Variants in XIRP2 observed in about 807,000 individuals in gnomAD.
XIRP2 encodes xin actin binding repeat containing 2.
In XIRP2, 236 loss-of-function variants were observed where a neutral mutation model predicts 277.0. The ratio of observed to expected loss-of-function variants is 0.85; its 90% CI spans 0.77 to 0.95. The LOEUF is 0.95. Among genes scored for constraint, XIRP2 ranks in the 40% least tolerant of loss-of-function variants. The pLI is 0.00. For missense variants in XIRP2, 4,640 were observed against 4,157.5 expected (o/e 1.12, Z -3.19); for synonymous variants, 1,490 against 1,416.5 (o/e 1.05, Z -1.17).
At chr2:167,215,917 A>C (rs952472366) in intron 4 of XIRP2, among the ~76,000 whole-genome samples, 1 of 152,174 alleles carries the variant, frequency 6.6e-6, no homozygotes, top group Non-Finnish European at 1.5e-5. Flanking sequence ...AATTGCTTCC[A>C]ATGATACCTA....
intron 2 of XIRP2, among the ~76,000 whole-genome samples, chr2:167,127,346 G>C (rs1278597082): frequency 6.6e-6 from 1 of 152,136 alleles, no homozygotes; most frequent in Admixed American, 6.6e-5. Context: ...AACATGATCT[G>C]GTCTAATGAA....
At chr2:166,931,310 A>G (rs562139501) in intron 2 of XIRP2, among the ~76,000 whole-genome samples, 1 of 152,188 alleles carries the variant, frequency 6.6e-6, no homozygotes, top group Non-Finnish European at 1.5e-5. Context: ...AGATGTACAC[A>G]TTTCATGTGT....
chr2:166,948,041 C>T (rs77220355), intron 2 of XIRP2, among the ~76,000 whole-genome samples: 130 of 152,088 alleles, frequency 8.5e-4, no homozygotes, highest in African/African-American at 2.7e-3. Context: ...AAGAGATCAG[C>T]GGTTTCTGGG....
intron 2 of XIRP2, among the ~76,000 whole-genome samples, chr2:166,983,267 A>G (rs535594043): frequency 6.6e-6 from 1 of 152,250 alleles, no homozygotes; most frequent in South Asian, 2.1e-4. Flanking sequence ...GAAATTTTAT[A>G]TCATTTATTA....
chr2:167,238,950 A>G (rs1363542493), intron 5 of XIRP2, among the ~76,000 whole-genome samples: 1 of 152,208 alleles, frequency 6.6e-6, no homozygotes, highest in Non-Finnish European at 1.5e-5. Context: ...CTGGATCACC[A>G]AAATTAATAG....
rs79701086 is a variant in XIRP2 at position 167,051,194 on chromosome 2, T to A, written c.409-84715T>A. Among the ~76,000 whole-genome samples the A allele has an allele frequency of 2.7e-4, 41 of 152,212 alleles. No individual in the cohort carries two copies. In the East Asian group the frequency reaches 7.9e-3, roughly 29 times the overall value. On this transcript the variant is annotated intron_variant, in intron 2 of 10. Coordinates refer to ENST00000409195, the MANE Select transcript of XIRP2 (RefSeq NM_152381.6). ...GAATTTCACGAAGCCATCTGCAGTG[T>A]CTTCACACTAGACAGAGACAATCAG...
intron 2 of XIRP2, chr2:167,124,024 A>G (rs1691130524): frequency 6.6e-6 from 1 of 152,178 alleles, no homozygotes; most frequent in Non-Finnish European, 1.5e-5. Flanking sequence ...GTGGCTGTGC[A>G]GTTAATCAGG....
chr2:167,191,588 C>A (rs984330972), intron 3 of XIRP2, among the ~76,000 whole-genome samples: 2 of 152,048 alleles, frequency 1.3e-5, no homozygotes, highest in African/African-American at 2.4e-5. Context: ...GAAAAGGAGA[C>A]CTGTCTGCAT....
chr2:167,109,303 G>T (rs1167976279), intron 2 of XIRP2, among the ~76,000 whole-genome samples: 13 of 151,612 alleles, frequency 8.6e-5, no homozygotes, highest in Admixed American at 8.5e-4. Context: ...CTCCTTCCAT[G>T]GAGTCTCACT....
intron 2 of XIRP2, among the ~76,000 whole-genome samples, chr2:167,022,972 T>C (rs1307834776): frequency 6.6e-6 from 1 of 152,144 alleles, no homozygotes; most frequent in African/African-American, 2.4e-5. Flanking sequence ...ATATACCCAG[T>C]AATGGGATGG....
intron 4 of XIRP2, 122 bp from the exon 5 acceptor site, chr2:167,218,044 G>T: frequency 6.8e-6 from 5 of 740,290 alleles, no homozygotes; most frequent in Non-Finnish European, 9.7e-6. Flanking sequence ...AAATAATGGT[G>T]TATGTGAATA....
intron 1 of XIRP2, among the ~76,000 whole-genome samples, chr2:166,902,018 G>T (rs780697235): frequency 8.5e-5 from 13 of 152,072 alleles, no homozygotes; most frequent in Non-Finnish European, 1.3e-4. Context: ...ATACACACTA[G>T]AAGTTTTATA....
chr2:167,162,326 C>T (rs1009804165), intron 3 of XIRP2, among the ~76,000 whole-genome samples: 3 of 152,160 alleles, frequency 2.0e-5, no homozygotes, highest in African/African-American at 4.8e-5. Flanking sequence ...TCTGTTCTCA[C>T]GTTGCTGATA....
At chr2:167,204,645 T>C (rs1693807590) in intron 3 of XIRP2, among the ~76,000 whole-genome samples, 1 of 152,216 alleles carries the variant, frequency 6.6e-6, no homozygotes, top group South Asian at 2.1e-4. Context: ...AGAAAGCACT[T>C]TATACATGTT....
intron 2 of XIRP2, among the ~76,000 whole-genome samples, chr2:166,942,923 T>G (rs1227956178): frequency 6.6e-6 from 1 of 152,286 alleles, no homozygotes; most frequent in East Asian, 1.9e-4. Flanking sequence ...AAACAGCATC[T>G]CTTGTTGTTA....
Position 167,247,437 on chromosome 2 carries a change from G to A in XIRP2, c.6045G>A (p.Glu2015=). 6.2e-7 allele frequency: 1 copy of A among 1,613,594 alleles called. No individual in the cohort carries two copies. The highest frequency in any genetic ancestry group is 8.5e-7 in the Non-Finnish European group (1 of 1,179,728). The change falls in exon 9 of 11, where the codon GAG becomes GAA. Residue 2015 remains glutamate, a synonymous_variant. Transcript: ENST00000409195. ...CHGNLVEERT[E]VNLPKAPKGT... is the part of the protein sequence containing the mutation. ...GCAATTTAGTAGAAGAAAGAACTGA[G>A]GTTAATCTTCCAAAAGCCCCCAAAG...
chr2:167,027,489 G>A (rs1464339709), intron 2 of XIRP2, among the ~76,000 whole-genome samples: 3 of 152,106 alleles, frequency 2.0e-5, no homozygotes, highest in Admixed American at 6.6e-5. Context: ...ATTGTCTGAA[G>A]CCTTCTTCTC....
chr2:166,965,283 A>G (rs1183676948), intron 2 of XIRP2, among the ~76,000 whole-genome samples: 2 of 151,902 alleles, frequency 1.3e-5, no homozygotes, highest in Non-Finnish European at 1.5e-5. Context: ...AACATTATTC[A>G]GGGCTGGATT....
chr2:167,062,332 C>T (rs1412401775), intron 2 of XIRP2, among the ~76,000 whole-genome samples: 2 of 152,176 alleles, frequency 1.3e-5, no homozygotes, highest in African/African-American at 2.4e-5. Flanking sequence ...TAGCAGTACA[C>T]CACTCTATTA....
Sources: allele counts gnomAD v4.1 joint callset (sites outside exome capture counted in the v4.1 genomes callset), GRCh38; gene constraint gnomAD v4.1.1; transcripts MANE v1.5; gene names NCBI Gene and HGNC (gene_info 2026-07-23, HGNC 2026-07-21).